The following ERC2 variants were observed in gnomAD, a reference collection of about 807,000 sequenced individuals.
ERC2 encodes ERC protein 2.
ERC2 carries 42 observed loss-of-function variants against 114.8 expected under a neutral mutation model. The ratio of observed to expected loss-of-function variants is 0.37; its 90% confidence interval spans 0.29 to 0.47. The LOEUF (loss-of-function observed/expected upper bound fraction) is 0.47. Ranked by LOEUF, ERC2 falls within the 20% of genes least tolerant of loss-of-function variation. The pLI is 0.99. For synonymous variants in ERC2, 454 were observed against 425.5 expected (o/e 1.07, Z -0.82); for missense variants, 939 against 1,150.7 (o/e 0.82, Z 2.66).
At chr3:56,294,795 T>C (rs1356611318) in intron 3 of ERC2, among the ~76,000 whole-genome samples, 1 of 152,164 alleles carries the variant, frequency 6.6e-6, no homozygotes, top group Admixed American at 6.5e-5. Context: ...TCTCACCACA[T>C]TCACCCTCTT....
chr3:55,998,729 T>G (rs1419658073), intron 10 of ERC2, among the ~76,000 whole-genome samples: 4 of 152,212 alleles, frequency 2.6e-5, no homozygotes, highest in Non-Finnish European at 5.9e-5. Context: ...TGTCCTGTAA[T>G]GACCTACAAA....
At chr3:55,832,637 A>G (rs564539841) in intron 14 of ERC2, among the ~76,000 whole-genome samples, 6 of 152,360 alleles carry the variant, frequency 3.9e-5, no homozygotes, top group African/African-American at 1.4e-4. Flanking sequence ...CCAAAAATAG[A>G]TAAAACCACA....
intron 3 of ERC2, among the ~76,000 whole-genome samples, chr3:56,276,476 A>AAAAAAAAAAAAAAC (rs1207392556): frequency 7.3e-5 from 11 of 151,558 alleles, no homozygotes; most frequent in Non-Finnish European, 1.3e-4. Context: ...AAAAAAAAAA[A>AAAAAAAAAAAAAAC]ACAAACTCAG....
At chr3:56,016,835 T>G (rs2073344365) in intron 8 of ERC2, among the ~76,000 whole-genome samples, 1 of 152,150 alleles carries the variant, frequency 6.6e-6, no homozygotes, top group Non-Finnish European at 1.5e-5. Flanking sequence ...TAGGTGGGAC[T>G]GGCCCCTAGG....
At chr3:56,019,995 T>G (rs2073591909) in intron 7 of ERC2, among the ~76,000 whole-genome samples, 1 of 152,220 alleles carries the variant, frequency 6.6e-6, no homozygotes, top group South Asian at 2.1e-4. Flanking sequence ...TGTTTCACAA[T>G]GTACACTCAA....
intron 2 of ERC2, among the ~76,000 whole-genome samples, chr3:56,412,276 T>C (rs2060970795): frequency 6.6e-6 from 1 of 152,244 alleles, no homozygotes; most frequent in African/African-American, 2.4e-5. Flanking sequence ...GAACCAACCA[T>C]GCCAACACCT....
chr3:55,677,739 C>G (rs1385929122), intron 17 of ERC2, among the ~76,000 whole-genome samples: 1 of 152,114 alleles, frequency 6.6e-6, no homozygotes, highest in Admixed American at 6.5e-5. Flanking sequence ...AGTCACTGGC[C>G]CCTCTATCTG....
At chr3:55,748,194 A>G (rs1452539127) in intron 14 of ERC2, among the ~76,000 whole-genome samples, 1 of 152,232 alleles carries the variant, frequency 6.6e-6, no homozygotes, top group Non-Finnish European at 1.5e-5. Context: ...GATTACTGGA[A>G]GCAGGAACAT....
At chr3:55,906,492 C>A (rs908359131) in intron 13 of ERC2, among the ~76,000 whole-genome samples, 66 of 151,016 alleles carry the variant, frequency 4.4e-4, no homozygotes, top group Middle Eastern at 6.9e-3. Flanking sequence ...GCAGCAGCAT[C>A]ACCTGGAAAT....
chr3:55,609,495 G>C (rs146066629), intron 17 of ERC2, among the ~76,000 whole-genome samples: 61 of 152,284 alleles, frequency 4.0e-4, no homozygotes, highest in African/African-American at 1.4e-3. Flanking sequence ...GCTCCACTGA[G>C]GAAGTGAGGG....
At chr3:55,610,323 C>T (rs1260099956) in intron 17 of ERC2, among the ~76,000 whole-genome samples, 1 of 152,054 alleles carries the variant, frequency 6.6e-6, no homozygotes, top group Non-Finnish European at 1.5e-5. Flanking sequence ...TGGTTAAAAA[C>T]CACTGCTGAC....
intron 17 of ERC2, among the ~76,000 whole-genome samples, chr3:55,584,626 C>T (rs1382375883): frequency 6.6e-6 from 1 of 152,188 alleles, no homozygotes. Flanking sequence ...CCTTTCTCAC[C>T]TGCATATGCC....
chr3:55,699,215 A>G (rs2063096354), intron 16 of ERC2, among the ~76,000 whole-genome samples, 163 bp downstream of exon 16: 1 of 152,218 alleles, frequency 6.6e-6, no homozygotes, highest in South Asian at 2.1e-4. Context: ...AAAGAAAAAC[A>G]TTTAGATTCC....
At chr3:56,330,613 C>A (rs1240710628) in intron 2 of ERC2, among the ~76,000 whole-genome samples, 1 of 152,218 alleles carries the variant, frequency 6.6e-6, no homozygotes, top group East Asian at 1.9e-4. Flanking sequence ...CTAGGGATAC[C>A]AAATTTGAAA....
At chr3:55,819,272 C>T (rs2060024502) in intron 14 of ERC2, among the ~76,000 whole-genome samples, 1 of 152,180 alleles carries the variant, frequency 6.6e-6, no homozygotes, top group African/African-American at 2.4e-5. Flanking sequence ...ATGGCAAAAC[C>T]TCGACTTGTG....
chr3:56,263,426 T>C (rs2053081473), intron 3 of ERC2, among the ~76,000 whole-genome samples: 1 of 151,050 alleles, frequency 6.6e-6, no homozygotes, highest in South Asian at 2.1e-4. Flanking sequence ...TCATTTTCTC[T>C]GCACCAACCC....
intron 14 of ERC2, among the ~76,000 whole-genome samples, chr3:55,753,861 T>C (rs1559601154): frequency 6.6e-6 from 1 of 152,218 alleles, no homozygotes; most frequent in Non-Finnish European, 1.5e-5. Flanking sequence ...AATCAATGAA[T>C]GGGATTCCAC....
intron 13 of ERC2, among the ~76,000 whole-genome samples, chr3:55,948,324 C>T (rs962689143): frequency 7.2e-5 from 11 of 152,158 alleles, no homozygotes; most frequent in Non-Finnish European, 1.6e-4. Context: ...GGTGCCAATG[C>T]CACAACCACC....
intron 5 of ERC2, among the ~76,000 whole-genome samples, chr3:56,140,426 A>G (rs1313093935): frequency 6.6e-6 from 1 of 152,150 alleles, no homozygotes. Context: ...TTTGGGCTAC[A>G]ATTTTTTTTC....
Sources: allele counts gnomAD v4.1 joint callset (sites outside exome capture counted in the v4.1 genomes callset), GRCh38; gene constraint gnomAD v4.1.1; transcripts MANE v1.5; gene names NCBI Gene and HGNC (gene_info 2026-07-23, HGNC 2026-07-21).